The following BSG variants were observed in gnomAD, a reference collection of about 807,000 sequenced individuals.
The protein encoded by BSG is basigin (Ok blood group), also known as basigin.
BSG carries 37 observed loss-of-function variants against 43.1 expected under a neutral mutation model. The ratio of observed to expected loss-of-function variants is 0.86; its 90% CI spans 0.66 to 1.13. BSG has a LOEUF of 1.13. Ranked by LOEUF, BSG falls within the 50% of genes most tolerant of loss-of-function variation. The pLI, the probability that BSG is intolerant of heterozygous loss-of-function variation, is 0.00. For missense variants in BSG, 599 were observed against 554.2 expected, an observed-to-expected ratio of 1.08 and a Z score of -0.81; for synonymous variants, 309 against 238.7, an observed-to-expected ratio of 1.29 and a Z score of -2.72.
Position 578,001 on chromosome 19 carries a change from G to A in BSG, c.295G>A (p.Val99Met), listed in dbSNP as rs537898048. 23 of 1,612,124 alleles carry A rather than the reference G, an allele frequency of 1.4e-5. No homozygotes were observed. The highest frequency in any genetic ancestry group is 1.8e-5 in the Non-Finnish European group (21 of 1,179,664). The change falls in exon 2 of 9, where the codon GTG (valine) becomes ATG (methionine). Residue 99 changes from valine (V) to methionine (M), a missense_variant. Coordinates refer to ENST00000333511, the MANE Select transcript of BSG (RefSeq NM_001728.4). ...AASTISIDTL[V>M]EEDTGTYECR... The stretch of plus-strand genomic sequence containing the variant: ...CAGCACCATCTCCATCGACACGCTC[G>A]TGGAGGAGGACACGGGCACTTACGA...
intron 1 of BSG, among the ~76,000 whole-genome samples, chr19:573,896 C>T (rs1231761272): frequency 6.6e-6 from 1 of 152,232 alleles, no homozygotes. Context: ...AAAAGCATGA[C>T]ATCCTTTCTT....
upstream of BSG, chr19:572,357 G>T: frequency 9.3e-7 from 1 of 1,070,512 alleles, no homozygotes; most frequent in Non-Finnish European, 1.1e-6. Context: ...GCAGGCTCCA[G>T]CCGCGTCCCC....
intron 2 of BSG, chr19:578,790 G>T: frequency 3.0e-6 from 1 of 333,068 alleles, no homozygotes; most frequent in South Asian, 2.3e-5. Flanking sequence ...GAGTGTGGTG[G>T]CACAATCTCG....
chr19:580,500 G>T (rs765750736), intron 4 of BSG, 39 bp downstream of exon 4: 5 of 1,607,358 alleles, frequency 3.1e-6, no homozygotes, highest in Middle Eastern at 1.7e-4. Flanking sequence ...ACCACCGACT[G>T]TCGGGAGAAG....
rs1011509502 is a variant in BSG, at chr19:582,785, C to G, written c.*41C>G. 1.7e-6 allele frequency: 1 copy of G among 602,486 alleles called. No homozygotes were observed. The highest frequency in any genetic ancestry group is 2.9e-6 in the Non-Finnish European group (1 of 341,278). The allele number at this position is 602,486 out of a possible 1,614,324, so 37.3% of individuals were successfully genotyped here. On this transcript the variant is annotated 3_prime_UTR_variant, in exon 9 of 9. Coordinates refer to ENST00000333511, the MANE Select transcript of BSG (RefSeq NM_001728.4). ...GACGCTCCCTGCTCCACGTCTGCGC[C>G]GCCGCCGGAGTCCACTCCCAGTGCT...
rs1304376666 is a variant in BSG, at chr19:580,688, A to G, written c.698A>G (p.Asn233Ser). The G allele has an allele frequency of 6.2e-7, 1 of 1,612,812 alleles. No individual in the cohort carries two copies. Among genetic ancestry groups the G allele is most frequent in the South Asian group, 1.1e-5 (1 of 91,082 alleles). Residue 233 changes from asparagine to serine, a missense_variant, in exon 5 of 9, where the codon AAC becomes AGC. Transcript: ENST00000333511. ...VKAVKSSEHI[N>S]EGETAMLVCK... Reference sequence around the variant, plus strand: ...GCTGTGAAGTCGTCAGAACACATCAACGAGGGGGAGACGGCCATGCTGGTC... The same window carrying G: ...GCTGTGAAGTCGTCAGAACACATCAGCGAGGGGGAGACGGCCATGCTGGTC...
chr19:572,694 CG>C lies in BSG; in HGVS notation c.64del (p.Ala22LeufsTer98). On this transcript the variant is annotated frameshift_variant, in exon 1 of 9. Coordinates refer to ENST00000333511, the MANE Select transcript of BSG (RefSeq NM_001728.4). LOFTEE classifies it high-confidence loss of function. Reference sequence around the variant, plus strand: ...CGCTGCTGGGCACCCACGGAGCCTCCGGGGCTGGTGAGGAGCGGGTAGGGGG... The same window carrying C: ...CGCTGCTGGGCACCCACGGAGCCTCCGGGCTGGTGAGGAGCGGGTAGGGGG... ...FALLGTHGASGAAGFVQAPLS... is the reference protein window; with the variant it reads ...FALLGTHGASXAAGFVQAPLS... 1 of 1,484,992 alleles carries C rather than the reference CG, an allele frequency of 6.7e-7. No homozygotes were observed. The highest frequency in any genetic ancestry group is 9.0e-7 in the Non-Finnish European group (1 of 1,112,646). The allele number at this position is 1,484,992 out of a possible 1,614,324, so 92.0% of individuals were successfully genotyped here.
chr19:579,483 C>T lies in BSG; in HGVS notation c.416-17C>T. ...TGCTCCTCCACTCTGCTGACCGCGT[C>T]TCGCCGGGCCTTGCAGCCGGCACAG... On this transcript the variant is annotated splice_polypyrimidine_tract_variant and intron_variant, in intron 2 of 8. Coordinates refer to ENST00000333511, the MANE Select transcript of BSG (RefSeq NM_001728.4). 1 of 1,612,134 alleles carries T rather than the reference C, an allele frequency of 6.2e-7. No homozygotes were observed. The highest frequency in any genetic ancestry group is 8.5e-7 in the Non-Finnish European group (1 of 1,179,868).
At position 572,695 on chromosome 19, in the gene BSG, G is replaced by A; in HGVS notation, c.61G>A (p.Gly21Arg). The A allele has an allele frequency of 6.7e-7, 1 of 1,483,750 alleles. No homozygotes were observed. Among genetic ancestry groups the A allele is most frequent in the Non-Finnish European group, 9.0e-7 (1 of 1,111,874 alleles). 91.9% of individuals were successfully genotyped at this position (1,483,750 alleles called of 1,614,324 possible). The change falls in exon 1 of 9, where the codon GGG (glycine) becomes AGG (arginine). Residue 21 changes from glycine (G) to arginine (R), a missense_variant. Gly to Arg is a moderately radical substitution (Grantham distance 125, BLOSUM62 -2). Coordinates refer to ENST00000333511, the MANE Select transcript of BSG (RefSeq NM_001728.4). ...GCTGCTGGGCACCCACGGAGCCTCC[G>A]GGGCTGGTGAGGAGCGGGTAGGGGG... ...FALLGTHGAS[G>R]AAGFVQAPLS... is the part of the protein sequence containing the mutation.
chr19:580,506 A>G (rs1600495139), intron 4 of BSG, 45 bp downstream of exon 4: 4 of 1,606,900 alleles, frequency 2.5e-6, no homozygotes, highest in African/African-American at 1.3e-5. Flanking sequence ...GACTGTCGGG[A>G]GAAGTTGTTG....
chr19:572,121 A>T (rs911921737), upstream of BSG: 1 of 151,942 alleles, frequency 6.6e-6, no homozygotes, highest in Admixed American at 6.6e-5. Flanking sequence ...TTTTAAAGGC[A>T]GAGATGTGCG....
chr19:571,570 C>T (rs1349732211), upstream of BSG: 1 of 779,596 alleles, frequency 1.3e-6, no homozygotes, highest in Non-Finnish European at 2.4e-6. Flanking sequence ...GACGCGTCTC[C>T]CCAAGAAAGG....
rs552965493 is a variant in BSG, at chr19:572,807, G to T, written c.67+106G>T. Reference sequence around the variant, plus strand: ...GAGCCTGGGGCCTCGGCGCGGGGCGGCCTGGGGTGCGAAAGGCCGGCCCCG... The same window carrying T: ...GAGCCTGGGGCCTCGGCGCGGGGCGTCCTGGGGTGCGAAAGGCCGGCCCCG... On this transcript the variant is annotated intron_variant, in intron 1 of 8. Coordinates refer to ENST00000333511, the MANE Select transcript of BSG (RefSeq NM_001728.4). 1.4e-5 allele frequency: 18 copies of T among 1,244,064 alleles called. No homozygotes were observed. The African/African-American group carries it at 2.2e-4, about 15-fold the overall frequency. The allele number at this position is 1,244,064 out of a possible 1,614,324, so 77.1% of individuals were successfully genotyped here. A position where few individuals can be genotyped will look rare whatever the true frequency, so the allele number is the denominator to read the frequency against.
At chr19:578,557 C>T (rs1053789269) in intron 2 of BSG, among the ~76,000 whole-genome samples, 5 of 152,228 alleles carry the variant, frequency 3.3e-5, no homozygotes, top group Non-Finnish European at 4.4e-5. Flanking sequence ...CAATTCCTAG[C>T]GGGAATATTG....
At chr19:580,243 G>A in intron 3 of BSG, 136 bp from the exon 4 acceptor site, 2 of 743,560 alleles carry the variant, frequency 2.7e-6, no homozygotes, top group Non-Finnish European at 4.4e-6. Flanking sequence ...GACCCCAGGA[G>A]TTCTTTTGAG....
At chr19:579,701 G>T (rs1347407478) in intron 3 of BSG, 45 bp downstream of exon 3, 1 of 1,565,848 alleles carries the variant, frequency 6.4e-7, no homozygotes, top group African/African-American at 1.4e-5. Context: ...CCTTCTCACG[G>T]CTCTCTTGCC....
intron 3 of BSG, 73 bp downstream of exon 3, chr19:579,729 C>T (rs577334387): frequency 1.8e-5 from 28 of 1,537,250 alleles, no homozygotes; most frequent in South Asian, 8.9e-5. Context: ...GCCTGTGGTC[C>T]GTGAGAACAA....
At chr19:576,809 G>A (rs980739488) in intron 1 of BSG, among the ~76,000 whole-genome samples, 5 of 151,942 alleles carry the variant, frequency 3.3e-5, no homozygotes, top group Non-Finnish European at 4.4e-5. Flanking sequence ...TGTCAACTGC[G>A]CCTGCCCAGA....
chr19:574,881 C>A (rs376766989), intron 1 of BSG, among the ~76,000 whole-genome samples: 3 of 152,194 alleles, frequency 2.0e-5, no homozygotes, highest in African/African-American at 7.2e-5. Flanking sequence ...GAGGTGAGCG[C>A]GGAAGATAAG....
Sources: allele counts gnomAD v4.1 joint callset (sites outside exome capture counted in the v4.1 genomes callset), GRCh38; gene constraint gnomAD v4.1.1; transcripts MANE v1.5; gene names NCBI Gene and HGNC (gene_info 2026-07-23, HGNC 2026-07-21).